Variants in LAMA2 observed in about 807,000 individuals in gnomAD.
The protein encoded by LAMA2 is laminin subunit alpha-2.
LAMA2 carries 269 observed loss-of-function variants against 364.8 expected under a neutral mutation model. That is an observed-to-expected ratio of 0.74 (90% CI 0.67 to 0.82). The LOEUF is 0.82. Ranked by LOEUF, LAMA2 falls within the 40% of genes least tolerant of loss-of-function variation. LAMA2 has a pLI of 0.00. For missense variants in LAMA2, 3,807 were observed against 3,873.2 expected (o/e 0.98, Z 0.45); for synonymous variants, 1,379 against 1,370.6 (o/e 1.01, Z -0.14).
intron 1 of LAMA2, among the ~76,000 whole-genome samples, chr6:129,012,186 T>C (rs73588869): frequency 0.027 from 4,052 of 152,324 alleles, 170 homozygotes; most frequent in African/African-American, 0.093. Context: ...TCTCTTATTT[T>C]TCTGCAGAAA....
At chr6:129,366,017 G>A (rs1347029496) in intron 32 of LAMA2, among the ~76,000 whole-genome samples, 1 of 152,064 alleles carries the variant, frequency 6.6e-6, no homozygotes, top group Non-Finnish European at 1.5e-5. Context: ...GGTTCTGGGC[G>A]ACATGCATAT....
intron 3 of LAMA2, among the ~76,000 whole-genome samples, chr6:129,067,884 TC>T (rs764607646): frequency 6.6e-6 from 1 of 152,238 alleles, no homozygotes; most frequent in Non-Finnish European, 1.5e-5. Flanking sequence ...AACAAGGGCC[TC>T]CTTGACAACT....
rs199677109 is a variant in LAMA2, at chr6:129,020,104, A to G, written c.113-29814A>G. 9.4e-4 allele frequency among the ~76,000 whole-genome samples: 27 copies of G among 28,700 alleles called. No individual in the cohort carries two copies. The South Asian group carries it at 0.034, about 36-fold the overall frequency. 18.8% of individuals were successfully genotyped at this position (28,700 alleles called of 152,430 possible). ...TCCATCTCAAAAAGAAAAAAAAAGA[A>G]AAAAAAAAAAAAAAAGAAGTCTGTG... On this transcript the variant is annotated intron_variant, in intron 1 of 64. Coordinates refer to ENST00000421865, the MANE Select transcript of LAMA2 (RefSeq NM_000426.4).
At chr6:129,384,976 C>T (rs561302301) in intron 35 of LAMA2, among the ~76,000 whole-genome samples, 2 of 139,330 alleles carry the variant, frequency 1.4e-5, no homozygotes, top group East Asian at 4.5e-4. Flanking sequence ...TTAAATTGTA[C>T]CAGAGCAACA....
At chr6:129,007,998 A>G (rs118029548) in intron 1 of LAMA2, among the ~76,000 whole-genome samples, 1 of 152,202 alleles carries the variant, frequency 6.6e-6, no homozygotes, top group Non-Finnish European at 1.5e-5. Context: ...TTTTAAACCT[A>G]ATGAAATACA....
intron 20 of LAMA2, among the ~76,000 whole-genome samples, chr6:129,297,115 A>G (rs1773233625): frequency 6.6e-6 from 1 of 152,212 alleles, no homozygotes; most frequent in South Asian, 2.1e-4. Context: ...TGAACCAATT[A>G]TTTGATCAGT....
chr6:128,997,727 A>C (rs1387023648), intron 1 of LAMA2, among the ~76,000 whole-genome samples: 4 of 152,096 alleles, frequency 2.6e-5, no homozygotes, highest in Non-Finnish European at 5.9e-5. Context: ...CCTGGAAGGC[A>C]GAGGCTGCAG....
At position 129,492,631 on chromosome 6, in the gene LAMA2, A is replaced by AT. The variant is rs112949077; in HGVS notation, c.8244+150dup. 1,806 of 712,756 alleles carry AT rather than the reference A, an allele frequency of 2.5e-3. 29 individuals are homozygous for AT. The African/African-American group carries it at 0.028, about 11-fold the overall frequency. The allele number at this position is 712,756 out of a possible 1,614,324, so 44.2% of individuals were successfully genotyped here. On this transcript the variant is annotated intron_variant, in intron 58 of 64. Coordinates refer to ENST00000421865, the MANE Select transcript of LAMA2 (RefSeq NM_000426.4). ...TATCTAAACCTATTCTTACATCTTC[A>AT]TTGAATGACTTACCTATATTTCCAT...
At chr6:129,454,658 C>A (rs1323673360) in intron 47 of LAMA2, among the ~76,000 whole-genome samples, 1 of 152,166 alleles carries the variant, frequency 6.6e-6, no homozygotes, top group African/African-American at 2.4e-5. Context: ...TTGTACACAG[C>A]TCCTCCTTTA....
chr6:129,068,830 G>A (rs986598892), intron 3 of LAMA2, among the ~76,000 whole-genome samples: 1 of 151,974 alleles, frequency 6.6e-6, no homozygotes, highest in African/African-American at 2.4e-5. Flanking sequence ...GAGAAGTCTG[G>A]GACTGTCATT....
At chr6:129,469,005 A>C (rs1304408504) in intron 51 of LAMA2, among the ~76,000 whole-genome samples, 1 of 151,928 alleles carries the variant, frequency 6.6e-6, no homozygotes, top group African/African-American at 2.4e-5. Flanking sequence ...AAAAAGCATC[A>C]TATGAAAAGA....
At chr6:128,895,468 T>TA (rs34458994) in intron 1 of LAMA2, among the ~76,000 whole-genome samples, 4,492 of 65,596 alleles carry the variant, frequency 0.068, 133 homozygotes, top group Middle Eastern at 0.098. Flanking sequence ...CTGTCTCTAC[T>TA]AAAAAAAAAA....
intron 1 of LAMA2, among the ~76,000 whole-genome samples, chr6:128,960,501 A>C (rs1582773760): frequency 7.3e-6 from 1 of 137,776 alleles, no homozygotes; most frequent in South Asian, 2.2e-4. Flanking sequence ...CTGGGATTTC[A>C]GGTGCCTGCC....
chr6:129,326,633 C>G (rs897548571), intron 28 of LAMA2, among the ~76,000 whole-genome samples: 58 of 149,926 alleles, frequency 3.9e-4, no homozygotes, highest in Non-Finnish European at 6.1e-4. Context: ...AAAGTCCTAT[C>G]TCTCATAGTA....
chr6:128,904,682 C>A (rs1777308877), intron 1 of LAMA2, among the ~76,000 whole-genome samples: 1 of 152,062 alleles, frequency 6.6e-6, no homozygotes, highest in Non-Finnish European at 1.5e-5. Context: ...TGGTCTCGAA[C>A]TCATGACCTT....
rs1216002913 is a variant in LAMA2, at chr6:129,460,227, T to C, written c.6895T>C (p.Phe2299Leu). The C allele has an allele frequency of 6.2e-7, 1 of 1,612,114 alleles. No individual in the cohort carries two copies. The highest frequency in any genetic ancestry group is 8.5e-7 in the Non-Finnish European group (1 of 1,178,554). Residue 2299 changes from phenylalanine (F) to leucine (L), a missense_variant, in exon 49 of 65, where the codon TTC becomes CTC. This residue lies in a region of LAMA2 where 3,333 missense variants were observed against 3,345.7 expected (regional missense o/e 1.00). Coordinates refer to ENST00000421865, the MANE Select transcript of LAMA2 (RefSeq NM_000426.4). ...GGCTGATGCTGTACGTGTGATTACA[T>C]TCACTGGCTGCATGGGAGAAACATA... ...KKADAVRVIT[F>L]TGCMGETYFD...
At chr6:129,013,517 A>C (rs9492189) in intron 1 of LAMA2, among the ~76,000 whole-genome samples, 1 of 152,110 alleles carries the variant, frequency 6.6e-6, no homozygotes, top group Non-Finnish European at 1.5e-5. Flanking sequence ...GTCAAGGAAA[A>C]CCCACTAAAA....
chr6:129,006,061 C>T (rs992976034), intron 1 of LAMA2, among the ~76,000 whole-genome samples: 15 of 151,932 alleles, frequency 9.9e-5, no homozygotes, highest in African/African-American at 3.6e-4. Context: ...AGAAAGACCC[C>T]CTAATTTTGA....
intron 4 of LAMA2, among the ~76,000 whole-genome samples, chr6:129,115,791 A>G (rs1776440787): frequency 6.6e-6 from 1 of 152,108 alleles, no homozygotes; most frequent in East Asian, 1.9e-4. Context: ...TAGTTTCCGC[A>G]TCTAAGAATG....
Sources: allele counts gnomAD v4.1 joint callset (sites outside exome capture counted in the v4.1 genomes callset), GRCh38; gene constraint gnomAD v4.1.1; regional missense constraint gnomAD v4.1.1; transcripts MANE v1.5; gene names NCBI Gene and HGNC (gene_info 2026-07-23, HGNC 2026-07-21).